Variants in INPP4B observed in about 807,000 individuals in gnomAD.
The protein encoded by INPP4B is inositol polyphosphate-4-phosphatase type II B.
In INPP4B, 55 loss-of-function variants were observed where a neutral mutation model predicts 122.5. The ratio of observed to expected loss-of-function variants is 0.45; its 90% CI spans 0.36 to 0.56. INPP4B has a LOEUF of 0.56. Ranked by LOEUF, INPP4B falls within the 20% of genes least tolerant of loss-of-function variation. The pLI is 0.00. For missense variants in INPP4B, 1,000 were observed against 1,097.7 expected, an observed-to-expected ratio of 0.91 and a Z score of 1.26; for synonymous variants, 403 against 388.7, an observed-to-expected ratio of 1.04 and a Z score of -0.43.
chr4:142,447,277 C>T (rs1813117357), intron 3 of INPP4B, among the ~76,000 whole-genome samples: 1 of 152,100 alleles, frequency 6.6e-6, no homozygotes, highest in Admixed American at 6.6e-5. Flanking sequence ...GCTCGGCAGC[C>T]TGGAGAAGAA....
chr4:142,636,343 T>G (rs1749157135), intron 2 of INPP4B, among the ~76,000 whole-genome samples: 1 of 152,036 alleles, frequency 6.6e-6, no homozygotes. Context: ...GTCAAATACC[T>G]AGAAATAAAC....
intron 11 of INPP4B, among the ~76,000 whole-genome samples, chr4:142,257,092 C>G (rs1264995792): frequency 6.6e-6 from 1 of 152,020 alleles, no homozygotes; most frequent in East Asian, 1.9e-4. Context: ...TAAACAGAAC[C>G]AAAGACAAAA....
chr4:142,105,408 C>T (rs1786516399), intron 23 of INPP4B, among the ~76,000 whole-genome samples: 1 of 152,128 alleles, frequency 6.6e-6, no homozygotes, highest in South Asian at 2.1e-4. Context: ...TAAAACTATT[C>T]CATGTTTGTA....
intron 25 of INPP4B, among the ~76,000 whole-genome samples, chr4:142,031,616 T>C (rs1367627573): frequency 1.3e-5 from 2 of 152,180 alleles, no homozygotes; most frequent in Admixed American, 1.3e-4. Context: ...TATTTTTGAT[T>C]TGCATTTATT....
intron 1 of INPP4B, among the ~76,000 whole-genome samples, chr4:142,751,270 G>T (rs1391193126): frequency 1.5e-5 from 2 of 133,110 alleles, no homozygotes; most frequent in Non-Finnish European, 3.1e-5. Flanking sequence ...CAAAGTAATG[G>T]AGTTAACTGT....
chr4:142,555,307 A>G (rs913620146), intron 2 of INPP4B, among the ~76,000 whole-genome samples: 2 of 152,222 alleles, frequency 1.3e-5, no homozygotes, highest in Non-Finnish European at 2.9e-5. Context: ...TTTGGCAAAG[A>G]TACCATATTT....
At chr4:142,271,458 T>TATCA (rs1414268875) in intron 9 of INPP4B, among the ~76,000 whole-genome samples, 2 of 152,204 alleles carry the variant, frequency 1.3e-5, no homozygotes, top group African/African-American at 4.8e-5. Context: ...CCTATGTGTC[T>TATCA]ATCACAGAAA....
At chr4:142,811,396 C>G (rs1779500431) in intron 1 of INPP4B, among the ~76,000 whole-genome samples, 1 of 152,164 alleles carries the variant, frequency 6.6e-6, no homozygotes, top group South Asian at 2.1e-4. Flanking sequence ...CATAGCCTGT[C>G]CTGACCCAAA....
At chr4:142,714,049 A>T (rs1763445555) in intron 2 of INPP4B, among the ~76,000 whole-genome samples, 1 of 152,242 alleles carries the variant, frequency 6.6e-6, no homozygotes, top group Non-Finnish European at 1.5e-5. Context: ...ACAAAGTTAA[A>T]CAGATTTCTT....
chr4:142,060,246 CA>C (rs911119613), intron 25 of INPP4B, among the ~76,000 whole-genome samples: 8 of 152,086 alleles, frequency 5.3e-5, no homozygotes, highest in African/African-American at 1.9e-4. Context: ...TATATCCTAC[CA>C]AAAAACTCAG....
In INPP4B at chr4:142,067,189, G is replaced by A. The variant is rs184008080; in HGVS notation, c.2642+14842C>T. ...CAATATTTGCTGTTCTGCAGCCTCC[G>A]CTGGTGATACCCAGGCAAACAGGGT... On this transcript the variant is annotated intron_variant, in intron 25 of 25. Coordinates refer to ENST00000262992, the MANE Select transcript of INPP4B (RefSeq NM_001101669.3). Among the ~76,000 whole-genome samples the A allele has an allele frequency of 2.3e-3, 347 of 152,312 alleles. 1 individual carries two copies. Among genetic ancestry groups the A allele is most frequent in the African/African-American group, 7.4e-3 (309 of 41,574 alleles).
At chr4:142,688,134 T>C (rs1443112429) in intron 2 of INPP4B, among the ~76,000 whole-genome samples, 1 of 152,174 alleles carries the variant, frequency 6.6e-6, no homozygotes, top group Non-Finnish European at 1.5e-5. Context: ...TTATGATTAT[T>C]TTAGTTTTCT....
intron 2 of INPP4B, among the ~76,000 whole-genome samples, chr4:142,530,101 G>T (rs1303014288): frequency 2.0e-5 from 3 of 152,084 alleles, no homozygotes; most frequent in African/African-American, 7.2e-5. Context: ...CCAATGGATA[G>T]ATGGCTGAAG....
intron 9 of INPP4B, among the ~76,000 whole-genome samples, chr4:142,273,598 C>A (rs3102439): frequency 6.6e-5 from 10 of 151,674 alleles, no homozygotes; most frequent in African/African-American, 9.7e-5. Flanking sequence ...TATCTATTCC[C>A]TTTCTTAAAG....
chr4:142,626,186 G>T (rs1326742331), intron 2 of INPP4B, among the ~76,000 whole-genome samples: 1 of 152,100 alleles, frequency 6.6e-6, no homozygotes, highest in Non-Finnish European at 1.5e-5. Context: ...TACCATCAGA[G>T]TGAACAGGCA....
At chr4:142,052,332 GCTTA>G (rs2152397416) in intron 25 of INPP4B, among the ~76,000 whole-genome samples, 1 of 151,990 alleles carries the variant, frequency 6.6e-6, no homozygotes, top group Admixed American at 6.6e-5. Flanking sequence ...TATTAAACTA[GCTTA>G]TTTATTCCCT....
At chr4:142,806,658 C>G (rs1778762775) in intron 1 of INPP4B, among the ~76,000 whole-genome samples, 1 of 151,436 alleles carries the variant, frequency 6.6e-6, no homozygotes, top group South Asian at 2.1e-4. Context: ...ATGGAAGGAT[C>G]ACTTGAGCCT....
At chr4:142,528,631 T>C (rs1283354555) in intron 2 of INPP4B, among the ~76,000 whole-genome samples, 2 of 152,060 alleles carry the variant, frequency 1.3e-5, no homozygotes, top group East Asian at 3.9e-4. Context: ...GCCCAGCCCA[T>C]ACTGAAGGAG....
chr4:142,697,295 C>T (rs756878722), intron 2 of INPP4B, among the ~76,000 whole-genome samples: 1 of 152,256 alleles, frequency 6.6e-6, no homozygotes, highest in South Asian at 2.1e-4. Flanking sequence ...CAACCCACAC[C>T]AATGCCATCA....
Sources: allele counts gnomAD v4.1 joint callset (sites outside exome capture counted in the v4.1 genomes callset), GRCh38; gene constraint gnomAD v4.1.1; transcripts MANE v1.5; gene names NCBI Gene and HGNC (gene_info 2026-07-23, HGNC 2026-07-21).